ALDH16A1: variants seen among roughly 807,000 people sequenced by gnomAD.
ALDH16A1 encodes the protein aldehyde dehydrogenase 16 family member A1.
Under a neutral mutation model 96.1 loss-of-function variants are expected in ALDH16A1, and 88 were observed. The ratio of observed to expected loss-of-function variants is 0.92; its 90% CI spans 0.77 to 1.09. ALDH16A1 has a LOEUF of 1.09. Among genes scored for constraint, ALDH16A1 ranks in the 50% least tolerant of loss-of-function variants. ALDH16A1 has a pLI of 0.00. For missense variants in ALDH16A1, 1,250 were observed against 1,112.6 expected (o/e 1.12, Z -1.76); for synonymous variants, 522 against 496.4 (o/e 1.05, Z -0.69).
rs2079084154 is a variant in ALDH16A1, at chr19:49,453,441, GCGCTGCT to G, written c.90+27_90+33del. On this transcript the variant is annotated intron_variant, in intron 1 of 16. Transcript: ENST00000293350. ...GCACTGGTGAGAGTCTGCCCGGCCG[GCGCTGCT>G]CGCTGCGTTCCCCAGGCCTGGGCGC... The G allele has an allele frequency of 6.6e-7, 1 of 1,513,658 alleles. No individual in the cohort carries two copies. The highest frequency in any genetic ancestry group is 1.4e-5 in the African/African-American group (1 of 72,678). 93.8% of individuals were successfully genotyped at this position (1,513,658 alleles called of 1,614,324 possible). A position where few individuals can be genotyped will look rare whatever the true frequency, so the allele number is the denominator to read the frequency against.
In ALDH16A1 at chr19:49,459,694, C is replaced by T; in HGVS notation, c.345C>T (p.His115=). ...LTRLAEVIQK[H]QRLLWTLESL... ...GGCTGGCCGAGGTGATCCAGAAGCA[C>T]CAGCGGCTGCTGTGGACCCTGGAAT... Residue 115 remains histidine, a synonymous_variant, in exon 4 of 17, where the codon CAC becomes CAT. Coordinates refer to ENST00000293350, the MANE Select transcript of ALDH16A1 (RefSeq NM_153329.4). This position sits in a 1 kb window ranked among gnomAD's most constrained non-coding sequence, Gnocchi z 4.1. 2 of 1,608,270 alleles carry T rather than the reference C, an allele frequency of 1.2e-6. No individual in the cohort carries two copies. The highest frequency in any genetic ancestry group is 1.7e-6 in the Non-Finnish European group (2 of 1,177,948).
intron 4 of ALDH16A1, among the ~76,000 whole-genome samples, chr19:49,460,390 AC>A (rs2079131612): frequency 6.7e-6 from 1 of 149,794 alleles, no homozygotes; most frequent in Non-Finnish European, 1.5e-5. Context: ...ACCATGCACC[AC>A]CACACCTGAC....
intron 14 of ALDH16A1, 34 bp downstream of exon 14, chr19:49,466,317 C>A: frequency 2.8e-6 from 4 of 1,425,626 alleles, no homozygotes; most frequent in Non-Finnish European, 3.7e-6. Context: ...GCCAGCTGGG[C>A]AGGCGGGGTG....
Position 49,462,632 on chromosome 19 carries a change from G to A in ALDH16A1, c.975G>A (p.Glu325=). 1.9e-6 allele frequency: 3 copies of A among 1,612,900 alleles called. No homozygotes were observed. Among genetic ancestry groups the A allele is most frequent in the Non-Finnish European group, 2.5e-6 (3 of 1,179,956 alleles). ...VWDEAMRRLQ[E]RMGRLRSGRG... ...ATGAAGCCATGAGACGGCTGCAGGA[G>A]CGGATGGGGCGGCTTCGGAGTGGCC... Residue 325 remains glutamate, a synonymous_variant, in exon 8 of 17, where the codon GAG becomes GAA. Transcript: ENST00000293350.
At chr19:49,456,822 G>A (rs1218728091) in intron 1 of ALDH16A1, among the ~76,000 whole-genome samples, 2 of 152,272 alleles carry the variant, frequency 1.3e-5, no homozygotes, top group African/African-American at 2.4e-5. Context: ...AAAGAGAAAG[G>A]AGAAGCCAGG....
intron 16 of ALDH16A1, chr19:49,469,851 G>A (rs1490788333): frequency 6.5e-6 from 1 of 154,516 alleles, no homozygotes; most frequent in Admixed American, 6.4e-5. Flanking sequence ...AAAATGCTGA[G>A]ATTACAGGCG....
rs760713950 is a variant in ALDH16A1 at position 49,468,478 on chromosome 19, C to T, written c.2036C>T (p.Ser679Phe). The change falls in exon 15 of 17, where the codon TCC becomes TTC. Residue 679 changes from serine to phenylalanine, a missense_variant. Transcript: ENST00000293350. This position sits in a 1 kb window ranked among gnomAD's most constrained non-coding sequence, Gnocchi z 4.4. ...PDEWPLLAFV[S>F]LLAPALAYGN... ...GAGTGGCCCCTGCTTGCCTTCGTGT[C>T]CCTGCTGGCTCCCGCCCTGGCCTAC... The T allele has an allele frequency of 6.2e-7, 1 of 1,602,930 alleles. No individual in the cohort carries two copies. Among genetic ancestry groups the T allele is most frequent in the South Asian group, 1.1e-5 (1 of 91,070 alleles).
intron 1 of ALDH16A1, among the ~76,000 whole-genome samples, chr19:49,455,499 C>T (rs1265048618): frequency 6.6e-6 from 1 of 151,042 alleles, no homozygotes. Context: ...CCCAGCTACC[C>T]GGGAGGCTGA....
intron 1 of ALDH16A1, among the ~76,000 whole-genome samples, chr19:49,457,601 G>T (rs1260908052): frequency 6.6e-6 from 1 of 150,810 alleles, no homozygotes; most frequent in East Asian, 2.0e-4. Flanking sequence ...TGGTGAGTGA[G>T]ATGTGGTAAA....
At position 49,470,487 on chromosome 19, in the gene ALDH16A1, G is replaced by A. The variant is rs2079236903; in HGVS notation, c.*20G>A. 6.5e-7 allele frequency: 1 copy of A among 1,528,446 alleles called. No individual in the cohort carries two copies. The highest frequency in any genetic ancestry group is 8.8e-7 in the Non-Finnish European group (1 of 1,140,320). 94.7% of individuals were successfully genotyped at this position (1,528,446 alleles called of 1,614,324 possible). A position where few individuals can be genotyped will look rare whatever the true frequency, so the allele number is the denominator to read the frequency against. On this transcript the variant is annotated 3_prime_UTR_variant, in exon 17 of 17. Coordinates refer to ENST00000293350, the MANE Select transcript of ALDH16A1 (RefSeq NM_153329.4). The stretch of plus-strand genomic sequence containing the variant: ...GACTGATGCCTGAGCGCCACCTACT[G>A]CATTTTGGACACCTCACACCAAGGG...
intron 1 of ALDH16A1, among the ~76,000 whole-genome samples, chr19:49,457,108 C>CA (rs1050649181): frequency 8.1e-4 from 97 of 119,516 alleles, no homozygotes; most frequent in African/African-American, 2.0e-3. Context: ...GACTCCATCT[C>CA]AAAAAAAAAA....
intron 14 of ALDH16A1, among the ~76,000 whole-genome samples, chr19:49,466,598 C>T (rs1453451873): frequency 5.9e-5 from 9 of 152,188 alleles, no homozygotes; most frequent in South Asian, 2.1e-4. Context: ...CAGTGGCTCA[C>T]GCCTGTAATC....
chr19:49,458,646 C>T, intron 2 of ALDH16A1, 58 bp downstream of exon 2: 3 of 1,490,210 alleles, frequency 2.0e-6, no homozygotes, highest in Non-Finnish European at 2.7e-6. Context: ...TCTAGCCCTA[C>T]CCACCAACAC....
intron 2 of ALDH16A1, 37 bp downstream of exon 2, chr19:49,458,625 T>G (rs1049192864): frequency 6.5e-7 from 1 of 1,541,024 alleles, no homozygotes; most frequent in Non-Finnish European, 8.8e-7. Context: ...GGAAGGGAGG[T>G]ATCTGTGCCC....
intron 1 of ALDH16A1, among the ~76,000 whole-genome samples, chr19:49,455,276 C>T (rs1464234072): frequency 1.3e-5 from 2 of 151,476 alleles, no homozygotes; most frequent in Non-Finnish European, 2.9e-5. Context: ...ATTAGCTGGG[C>T]GTGGTGGCAG....
Position 49,468,092 on chromosome 19 carries a change from G to A in ALDH16A1, c.1939-289G>A, listed in dbSNP as rs1221057836. ...GGAGAATGGCGTGAACCCGGGAGGC[G>A]GAGGTTGCAGTGAGCCAAGATCGCA... On this transcript the variant is annotated intron_variant, in intron 14 of 16. Transcript: ENST00000293350. The surrounding 1 kb of genome is among the most constrained non-coding windows in gnomAD (Gnocchi z 4.4). Among the ~76,000 whole-genome samples, 5 of 151,336 alleles carry A rather than the reference G, an allele frequency of 3.3e-5. No individual in the cohort carries two copies. The highest frequency in any genetic ancestry group is 1.3e-4 in the Admixed American group (2 of 15,174).
rs1017695807 is a variant in ALDH16A1 at position 49,468,183 on chromosome 19, G to C, written c.1939-198G>C. On this transcript the variant is annotated intron_variant, in intron 14 of 16. Coordinates refer to ENST00000293350, the MANE Select transcript of ALDH16A1 (RefSeq NM_153329.4). The surrounding 1 kb of genome is among the most constrained non-coding windows in gnomAD (Gnocchi z 4.4). ...TCAAAAAAAAAAAAAAAGAAAGGCG[G>C]TTATGCAGGATGTTTCTCACCGCCC... The C allele has an allele frequency of 1.8e-6, 1 of 549,810 alleles. No homozygotes were observed. Among genetic ancestry groups the C allele is most frequent in the Non-Finnish European group, 3.2e-6 (1 of 313,258 alleles). The allele number at this position is 549,810 out of a possible 1,614,324, so 34.1% of individuals were successfully genotyped here.
intron 1 of ALDH16A1, among the ~76,000 whole-genome samples, chr19:49,456,130 G>A (rs1007680429): frequency 6.6e-6 from 1 of 152,102 alleles, no homozygotes; most frequent in African/African-American, 2.4e-5. Flanking sequence ...CTTTTGGGGG[G>A]AAGCTTTCCA....
At chr19:49,463,087 G>A (rs1350956825) in intron 8 of ALDH16A1, among the ~76,000 whole-genome samples, 19 of 59,716 alleles carry the variant, frequency 3.2e-4, no homozygotes. Context: ...GGGAGGAGGG[G>A]CTGGGGCCCG....
Sources: allele counts gnomAD v4.1 joint callset (sites outside exome capture counted in the v4.1 genomes callset), GRCh38; gene constraint gnomAD v4.1.1; non-coding constraint Gnocchi (gnomAD v3.1); transcripts MANE v1.5; gene names NCBI Gene and HGNC (gene_info 2026-07-23, HGNC 2026-07-21).